The following MGAT5 variants were observed in gnomAD, a reference collection of about 807,000 sequenced individuals.
MGAT5 encodes alpha-1,6-mannosylglycoprotein 6-beta-N-acetylglucosaminyltransferase A.
A neutral mutation model predicts 94.3 loss-of-function variants in MGAT5; 30 were observed. The ratio of observed to expected loss-of-function variants is 0.32; its 90% CI spans 0.24 to 0.43. The LOEUF (loss-of-function observed/expected upper bound fraction) is 0.43, where lower values mean the gene tolerates loss of function less well. MGAT5 is among the 20% of genes least tolerant of loss of function. MGAT5 has a pLI of 1.00. For missense variants in MGAT5, 691 were observed against 905.5 expected (o/e 0.76, Z 3.04); for synonymous variants, 310 against 322.9 (o/e 0.96, Z 0.43).
At chr2:134,367,686 T>C (rs1427179324) in intron 10 of MGAT5, among the ~76,000 whole-genome samples, 1 of 152,216 alleles carries the variant, frequency 6.6e-6, no homozygotes, top group Non-Finnish European at 1.5e-5. Flanking sequence ...GGTTCTTGAT[T>C]GTATTCTTCT....
intron 1 of MGAT5, among the ~76,000 whole-genome samples, chr2:134,145,275 G>A (rs1189253320): frequency 3.3e-5 from 5 of 151,340 alleles, no homozygotes; most frequent in Non-Finnish European, 4.4e-5. Context: ...GGCTGGGCGC[G>A]GTGGCTCACG....
At chr2:134,400,911 G>C (rs1399737498) in intron 10 of MGAT5, among the ~76,000 whole-genome samples, 5 of 152,086 alleles carry the variant, frequency 3.3e-5, no homozygotes, top group Non-Finnish European at 7.4e-5. Flanking sequence ...GTGGGGTCTG[G>C]GAAGAGCTGT....
At chr2:134,173,671 A>C (rs1218225552) in intron 1 of MGAT5, among the ~76,000 whole-genome samples, 1 of 152,198 alleles carries the variant, frequency 6.6e-6, no homozygotes, top group South Asian at 2.1e-4. Context: ...TGGCGCTCTC[A>C]GGAATAACTA....
intron 8 of MGAT5, among the ~76,000 whole-genome samples, chr2:134,347,262 C>G (rs551261340): frequency 2.0e-5 from 3 of 152,270 alleles, no homozygotes; most frequent in South Asian, 4.1e-4. Flanking sequence ...GCTAGAAAAG[C>G]AATTCCCAAG....
chr2:134,120,485 C>G (rs1685517069), intron 1 of MGAT5, among the ~76,000 whole-genome samples: 1 of 151,524 alleles, frequency 6.6e-6, no homozygotes. Flanking sequence ...GCCCCGGCCG[C>G]TCTGCAGGAC....
chr2:134,221,280 G>T (rs1380551331), intron 1 of MGAT5, among the ~76,000 whole-genome samples: 3 of 152,212 alleles, frequency 2.0e-5, no homozygotes, highest in Admixed American at 6.5e-5. Flanking sequence ...GTTTGGTTTA[G>T]AAAGGCAGGA....
chr2:134,440,781 G>A (rs753156994), intron 14 of MGAT5, among the ~76,000 whole-genome samples: 1 of 152,100 alleles, frequency 6.6e-6, no homozygotes, highest in Non-Finnish European at 1.5e-5. Flanking sequence ...GTGGGAGGAG[G>A]CACTTCTTAC....
intron 2 of MGAT5, among the ~76,000 whole-genome samples, chr2:134,290,285 T>A (rs547765029): frequency 6.6e-6 from 1 of 152,370 alleles, no homozygotes; most frequent in African/African-American, 2.4e-5. Context: ...TTACCATTTC[T>A]GGCCAGAGCT....
chr2:134,443,451 C>G (rs1218635889), intron 15 of MGAT5, among the ~76,000 whole-genome samples: 1 of 152,216 alleles, frequency 6.6e-6, no homozygotes, highest in Non-Finnish European at 1.5e-5. Flanking sequence ...CTAGGCCTCC[C>G]AAAGTGCTGG....
At chr2:134,327,682 G>A (rs1687719125) in intron 4 of MGAT5, among the ~76,000 whole-genome samples, 1 of 152,022 alleles carries the variant, frequency 6.6e-6, no homozygotes. Flanking sequence ...GTTGACTGTG[G>A]GTAGCTGAAA....
At chr2:134,137,908 G>A (rs1337044630) in intron 1 of MGAT5, among the ~76,000 whole-genome samples, 1 of 150,930 alleles carries the variant, frequency 6.6e-6, no homozygotes, top group African/African-American at 2.4e-5. Context: ...TTTGCAAATG[G>A]AAATAGCAAA....
Position 134,189,602 on chromosome 2 carries a change from G to GTTTTTTTTTTTTTGTTTTT in MGAT5, c.-142-64647_-142-64646insGTTTTTTTTTTTTTTTTTT, listed in dbSNP as rs1553490382. Among the ~76,000 whole-genome samples, 3 of 84,672 alleles carry GTTTTTTTTTTTTTGTTTTT rather than the reference G, an allele frequency of 3.5e-5. 1 individual carries two copies. Among genetic ancestry groups the GTTTTTTTTTTTTTGTTTTT allele is most frequent in the Non-Finnish European group, 6.9e-5 (3 of 43,580 alleles). 55.5% of individuals were successfully genotyped at this position (84,672 alleles called of 152,430 possible). A position where few individuals can be genotyped will look rare whatever the true frequency, so the allele number is the denominator to read the frequency against. ...AACCTCATGGCTCTAGTTTTTTTTTGTTTTTTTTTTTTTTTTTTAAGACAG... is the reference window on the plus strand; with the variant it reads ...AACCTCATGGCTCTAGTTTTTTTTTGTTTTTTTTTTTTTGTTTTTTTTTTTTTTTTTTTTTTTAAGACAG... On this transcript the variant is annotated intron_variant, in intron 1 of 16. Transcript: ENST00000409645.
At chr2:134,427,736 T>G (rs1384096796) in intron 13 of MGAT5, among the ~76,000 whole-genome samples, 1 of 152,212 alleles carries the variant, frequency 6.6e-6, no homozygotes, top group Non-Finnish European at 1.5e-5. Context: ...AAGTCTGCTT[T>G]GACCCTCTAG....
intron 2 of MGAT5, among the ~76,000 whole-genome samples, chr2:134,281,542 C>A (rs1684696494): frequency 6.6e-6 from 1 of 152,150 alleles, no homozygotes; most frequent in African/African-American, 2.4e-5. Flanking sequence ...TTAGAAATGA[C>A]CTTCAAACAC....
intron 2 of MGAT5, among the ~76,000 whole-genome samples, chr2:134,308,871 C>CA (rs1267431183): frequency 6.6e-6 from 1 of 152,098 alleles, no homozygotes; most frequent in Non-Finnish European, 1.5e-5. Context: ...CTCATCTCTA[C>CA]AAAAAATGAA....
intron 1 of MGAT5, among the ~76,000 whole-genome samples, chr2:134,171,955 T>C (rs541078445): frequency 6.6e-5 from 10 of 152,306 alleles, no homozygotes; most frequent in African/African-American, 2.4e-4. Context: ...GGGGTGGCTC[T>C]CTTGGTACCA....
intron 1 of MGAT5, among the ~76,000 whole-genome samples, chr2:134,244,092 T>C (rs1371565674): frequency 6.6e-6 from 1 of 152,176 alleles, no homozygotes; most frequent in Non-Finnish European, 1.5e-5. Context: ...TATTATAAAA[T>C]TTCTTTGTGG....
At chr2:134,380,158 C>T (rs1681443402) in intron 10 of MGAT5, among the ~76,000 whole-genome samples, 1 of 152,134 alleles carries the variant, frequency 6.6e-6, no homozygotes, top group African/African-American at 2.4e-5. Flanking sequence ...ATTTTTAGCA[C>T]TAAGGGTTTA....
At chr2:134,425,810 G>A (rs763931461) in intron 13 of MGAT5, among the ~76,000 whole-genome samples, 3 of 152,038 alleles carry the variant, frequency 2.0e-5, no homozygotes, top group Admixed American at 1.3e-4. Context: ...GGGAAGATAA[G>A]GGAAAATTTC....
Sources: gnomAD v4.1 joint callset for allele counts (sites outside exome capture counted in the v4.1 genomes callset) on GRCh38, gnomAD v4.1.1 for gene constraint, MANE v1.5 for transcripts, NCBI Gene and HGNC (gene_info 2026-07-23, HGNC 2026-07-21) for gene names.